Variants in PAPSS1 observed in about 807,000 individuals in gnomAD.
PAPSS1 encodes the protein bifunctional 3'-phosphoadenosine 5'-phosphosulfate synthase 1.
Under a neutral mutation model 72.0 loss-of-function variants are expected in PAPSS1, and 50 were observed. The observed-to-expected ratio is 0.69, with a 90% CI of 0.55 to 0.88. PAPSS1 has a LOEUF of 0.88. Ranked by LOEUF, PAPSS1 falls within the 40% of genes least tolerant of loss-of-function variation. The probability of loss-of-function intolerance (pLI) is 0.00; values close to 1 mark genes in which losing one functional copy is unlikely to be tolerated. For synonymous variants in PAPSS1, 261 were observed against 263.6 expected (o/e 0.99, Z 0.09); for missense variants, 657 against 782.2 (o/e 0.84, Z 1.91).
At chr4:107,689,395 C>T (rs143019842) in intron 3 of PAPSS1, among the ~76,000 whole-genome samples, 316 of 152,316 alleles carry the variant, frequency 2.1e-3, no homozygotes, top group African/African-American at 7.3e-3. Flanking sequence ...TCTGGACAAA[C>T]CAATGTGCTT....
At position 107,631,670 on chromosome 4, in the gene PAPSS1, T is replaced by G; in HGVS notation, c.1697A>C (p.Asn566Thr). The G allele has an allele frequency of 6.2e-7, 1 of 1,614,050 alleles. No individual in the cohort carries two copies. The highest frequency in any genetic ancestry group is 1.1e-5 in the South Asian group (1 of 91,080). Residue 566 changes from asparagine to threonine, a missense_variant, in exon 11 of 12, where the codon AAC becomes ACC. Transcript: ENST00000265174. Reference sequence around the variant, plus strand: ...GTAGTCCATACGCTTCTTTTTCTTGTTGTAAGCTGCAACTCGAAAGGGAAC... The same window carrying G: ...GTAGTCCATACGCTTCTTTTTCTTGGTGTAAGCTGCAACTCGAAAGGGAAC... ...EIVPFRVAAY[N>T]KKKKRMDYYD...
chr4:107,678,083 G>A (rs1474824816), intron 5 of PAPSS1, among the ~76,000 whole-genome samples: 1 of 151,998 alleles, frequency 6.6e-6, no homozygotes, highest in Non-Finnish European at 1.5e-5. Flanking sequence ...TACACCTAAT[G>A]TTAAATGACG....
intron 5 of PAPSS1, among the ~76,000 whole-genome samples, chr4:107,677,252 C>T (rs9684724): frequency 0.038 from 5,754 of 152,006 alleles, 332 homozygotes; most frequent in African/African-American, 0.13. Context: ...ACAGGCAACC[C>T]ACAAAATGGG....
chr4:107,654,874 T>C lies in PAPSS1; in HGVS notation c.922A>G (p.Ile308Val), dbSNP rs376322060. The C allele has an allele frequency of 1.9e-5, 31 of 1,613,684 alleles. No homozygotes were observed. The highest frequency in any genetic ancestry group is 2.2e-5 in the East Asian group (1 of 44,874). Residue 308 changes from isoleucine to valine, a missense_variant, in exon 8 of 12, where the codon ATA (isoleucine) becomes GTA (valine). By Grantham distance (29) the Ile-to-Val change is conservative. Transcript: ENST00000265174. ...TCTTCATGAGTCGCAGTCAGAACTATAGGTACTGACAAGTTAATGACACCT... is the reference window on the plus strand; with the variant it reads ...TCTTCATGAGTCGCAGTCAGAACTACAGGTACTGACAAGTTAATGACACCT... ...DGGVINLSVP[I>V]VLTATHEDKE...
intron 9 of PAPSS1, among the ~76,000 whole-genome samples, chr4:107,650,223 C>T (rs550478769): frequency 1.4e-4 from 22 of 152,284 alleles, no homozygotes; most frequent in Middle Eastern, 3.4e-3. Flanking sequence ...AAAGAGTGAA[C>T]AAGAACTACA....
chr4:107,715,029 A>G (rs527247644), intron 1 of PAPSS1, among the ~76,000 whole-genome samples: 4 of 150,456 alleles, frequency 2.7e-5, no homozygotes, highest in South Asian at 4.2e-4. Flanking sequence ...AGATAAGTAG[A>G]AAAAAAAAAT....
intron 9 of PAPSS1, among the ~76,000 whole-genome samples, chr4:107,645,619 G>C (rs1228548172): frequency 6.6e-6 from 1 of 152,188 alleles, no homozygotes; most frequent in African/African-American, 2.4e-5. Flanking sequence ...CTGAATTTTG[G>C]ATTATAGTTT....
chr4:107,705,401 TC>T (rs1252216954), intron 1 of PAPSS1, among the ~76,000 whole-genome samples: 1 of 152,128 alleles, frequency 6.6e-6, no homozygotes, highest in Non-Finnish European at 1.5e-5. Flanking sequence ...GTGTGGCACT[TC>T]CCCCCTTGTT....
At chr4:107,696,918 G>A (rs1723080454) in intron 2 of PAPSS1, among the ~76,000 whole-genome samples, 1 of 152,118 alleles carries the variant, frequency 6.6e-6, no homozygotes. Flanking sequence ...CACATCAAGA[G>A]GTACTAATTC....
intron 5 of PAPSS1, among the ~76,000 whole-genome samples, chr4:107,680,387 C>A: frequency 7.0e-6 from 1 of 143,144 alleles, no homozygotes. Context: ...AGAAATGAAG[C>A]AAGTTAAAAA....
chr4:107,711,794 A>G (rs1723503124), intron 1 of PAPSS1, among the ~76,000 whole-genome samples: 1 of 152,248 alleles, frequency 6.6e-6, no homozygotes, highest in Admixed American at 6.5e-5. Context: ...TTTAGTTCAC[A>G]GAGTTAACTA....
chr4:107,638,285 C>T (rs1385222577), intron 10 of PAPSS1, among the ~76,000 whole-genome samples: 1 of 152,094 alleles, frequency 6.6e-6, no homozygotes, highest in Admixed American at 6.6e-5. Flanking sequence ...TACAAAAACT[C>T]TCATACAATT....
intron 5 of PAPSS1, among the ~76,000 whole-genome samples, chr4:107,680,231 G>T (rs1727767636): frequency 6.6e-6 from 1 of 151,230 alleles, no homozygotes; most frequent in Non-Finnish European, 1.5e-5. Flanking sequence ...TAAACAGTAA[G>T]AAAAAAGACC....
chr4:107,647,708 CAT>C (rs935867591), intron 9 of PAPSS1, among the ~76,000 whole-genome samples: 2 of 152,170 alleles, frequency 1.3e-5, no homozygotes, highest in African/African-American at 4.8e-5. Flanking sequence ...TATAATCAAA[CAT>C]ATGACATTTC....
chr4:107,712,410 G>A (rs1723517368), intron 1 of PAPSS1, among the ~76,000 whole-genome samples: 1 of 152,168 alleles, frequency 6.6e-6, no homozygotes, highest in Non-Finnish European at 1.5e-5. Flanking sequence ...ACACATACAA[G>A]GGAGGTTCAG....
intron 1 of PAPSS1, among the ~76,000 whole-genome samples, chr4:107,703,466 C>A (rs914337772): frequency 6.7e-6 from 1 of 149,850 alleles, no homozygotes; most frequent in Non-Finnish European, 1.5e-5. Context: ...TTTTTTCCTA[C>A]TTTCCTCTAG....
intron 11 of PAPSS1, among the ~76,000 whole-genome samples, chr4:107,625,720 C>G (rs1040505892): frequency 6.6e-6 from 1 of 152,084 alleles, no homozygotes; most frequent in East Asian, 1.9e-4. Flanking sequence ...TACGCAACAA[C>G]GAAAAACTAA....
chr4:107,661,802 G>A (rs1727189268), intron 5 of PAPSS1, among the ~76,000 whole-genome samples: 1 of 152,018 alleles, frequency 6.6e-6, no homozygotes, highest in South Asian at 2.1e-4. Context: ...TACATGACAT[G>A]TTCAGTAGAA....
chr4:107,679,628 C>A (rs1022889551), intron 5 of PAPSS1, among the ~76,000 whole-genome samples: 2 of 151,528 alleles, frequency 1.3e-5, no homozygotes, highest in Non-Finnish European at 2.9e-5. Flanking sequence ...ACAAAGAAAT[C>A]TCAACAAAAT....
Sources: gnomAD v4.1 joint callset for allele counts (sites outside exome capture counted in the v4.1 genomes callset) on GRCh38, gnomAD v4.1.1 for gene constraint, MANE v1.5 for transcripts, NCBI Gene and HGNC (gene_info 2026-07-23, HGNC 2026-07-21) for gene names.